Variants in STRN3 observed in about 807,000 individuals in gnomAD.
STRN3 encodes striatin-3.
Under a neutral mutation model 95.6 loss-of-function variants are expected in STRN3, and 29 were observed. The observed-to-expected ratio is 0.30, with a 90% confidence interval of 0.23 to 0.41. The LOEUF (loss-of-function observed/expected upper bound fraction) is 0.41. STRN3 is among the 10% of genes least tolerant of loss of function. The probability of loss-of-function intolerance (pLI) is 1.00; values close to 1 mark genes in which losing one functional copy is unlikely to be tolerated. For missense variants in STRN3, 890 were observed against 972.1 expected (o/e 0.92, Z 1.12); for synonymous variants, 331 against 357.6 (o/e 0.93, Z 0.84).
chr14:30,919,073 G>A lies in STRN3; in HGVS notation c.1133C>T (p.Ala378Val), dbSNP rs1437599581. 3.1e-6 allele frequency: 5 copies of A among 1,610,454 alleles called. No individual in the cohort carries two copies. The highest frequency in any genetic ancestry group is 4.2e-6 in the Non-Finnish European group (5 of 1,177,918). ...ANRTKLYDMIADLGDDELPHI... is the reference protein window; with the variant it reads ...ANRTKLYDMIVDLGDDELPHI... ...GGGCAGCTCATCATCTCCCAGATCA[G>A]CTATCATGTCGTAGAGTTTTGTCCT... Residue 378 changes from alanine (A) to valine (V), a missense_variant, in exon 9 of 18, where the codon GCT becomes GTT. Around this residue, in one of 3 missense-constraint regions of STRN3, gnomAD observed 526 missense variants for 526.3 expected, o/e 1.00. Coordinates refer to ENST00000357479, the MANE Select transcript of STRN3 (RefSeq NM_001083893.2).
chr14:30,960,718 A>C (rs1467808214), intron 1 of STRN3, among the ~76,000 whole-genome samples: 1 of 151,944 alleles, frequency 6.6e-6, no homozygotes, highest in Non-Finnish European at 1.5e-5. Context: ...AAATACAAAA[A>C]ATTAGCCGGG....
At chr14:30,912,247 G>T in intron 10 of STRN3, 65 bp from the exon 11 acceptor site, 16 of 1,492,516 alleles carry the variant, frequency 1.1e-5, no homozygotes, top group Non-Finnish European at 1.4e-5. Context: ...TGGAGTGTTT[G>T]TTCGTTTCTT....
Position 31,019,825 on chromosome 14 carries a change from A to G in STRN3, c.282+6079T>C, listed in dbSNP as rs1230484909. On this transcript the variant is annotated intron_variant, in intron 1 of 17. Coordinates refer to ENST00000357479, the MANE Select transcript of STRN3 (RefSeq NM_001083893.2). Reference sequence around the variant, plus strand: ...TCAGTGAATTAGAATATACTTTAGGATACTGATGTTACCTATATTACTTAG... The same window carrying G: ...TCAGTGAATTAGAATATACTTTAGGGTACTGATGTTACCTATATTACTTAG... Among the ~76,000 whole-genome samples the G allele has an allele frequency of 2.0e-5, 3 of 152,174 alleles. No homozygotes were observed. The East Asian group carries it at 5.8e-4, about 29-fold the overall frequency.
intron 1 of STRN3, among the ~76,000 whole-genome samples, chr14:30,990,448 C>T (rs1316518524): frequency 1.3e-5 from 2 of 151,684 alleles, no homozygotes; most frequent in African/African-American, 4.8e-5. Context: ...GATTACAGGC[C>T]TGAGCCACCG....
Position 30,929,206 on chromosome 14 carries a change from A to AC in STRN3, c.1093dup (p.Val365GlyfsTer15). The AC allele has an allele frequency of 6.2e-7, 1 of 1,606,904 alleles. No individual in the cohort carries two copies. The highest frequency in any genetic ancestry group is 8.5e-7 in the Non-Finnish European group (1 of 1,177,072). On this transcript the variant is annotated frameshift_variant, in exon 8 of 18. Coordinates refer to ENST00000357479, the MANE Select transcript of STRN3 (RefSeq NM_001083893.2). LOFTEE classifies it high-confidence loss of function. ...TAGTCAGAATCTGCACTTACTCTTC[A>AC]CCCCTTTCTTCCCCTTTCGTTCCTT...
intron 1 of STRN3, among the ~76,000 whole-genome samples, chr14:30,982,656 C>T (rs569509479): frequency 1.3e-5 from 2 of 152,332 alleles, no homozygotes; most frequent in African/African-American, 4.8e-5. Context: ...ATTTCACATT[C>T]ACGTGGTATT....
intron 4 of STRN3, 85 bp downstream of exon 4, chr14:30,950,778 A>G: frequency 1.6e-6 from 2 of 1,250,846 alleles, no homozygotes; most frequent in South Asian, 2.6e-5. Flanking sequence ...TTGTCCCAAT[A>G]TGATTTTTTA....
intron 1 of STRN3, among the ~76,000 whole-genome samples, chr14:30,960,665 C>T (rs1048283208): frequency 1.3e-5 from 2 of 151,672 alleles, no homozygotes; most frequent in East Asian, 1.9e-4. Flanking sequence ...GTCAGGAGAT[C>T]GAGACCATCC....
At chr14:31,010,328 C>T (rs1882912514) in intron 1 of STRN3, among the ~76,000 whole-genome samples, 1 of 150,652 alleles carries the variant, frequency 6.6e-6, no homozygotes, top group Admixed American at 6.6e-5. Context: ...GTGCTGCACC[C>T]ATTAACTCGT....
At chr14:30,956,853 GA>G (rs1879931528) in intron 1 of STRN3, among the ~76,000 whole-genome samples, 1 of 152,142 alleles carries the variant, frequency 6.6e-6, no homozygotes, top group Admixed American at 6.5e-5. Context: ...AGCTTTTCTT[GA>G]AATACTAGAA....
At chr14:30,908,722 T>C (rs1896531818) in intron 13 of STRN3, among the ~76,000 whole-genome samples, 1 of 152,204 alleles carries the variant, frequency 6.6e-6, no homozygotes, top group Non-Finnish European at 1.5e-5. Flanking sequence ...ACCTCCTCAG[T>C]TTCCTTTCTT....
At chr14:31,007,303 C>G (rs765780747) in intron 1 of STRN3, among the ~76,000 whole-genome samples, 2 of 152,202 alleles carry the variant, frequency 1.3e-5, no homozygotes, top group African/African-American at 4.8e-5. Flanking sequence ...TCTCCTCCCC[C>G]TCCAAGCACA....
chr14:31,026,111 C>T lies in STRN3; in HGVS notation c.75G>A (p.Gly25=), dbSNP rs1303006606. Residue 25 remains glycine, a synonymous_variant, in exon 1 of 18, where the codon GGG becomes GGA. Coordinates refer to ENST00000357479, the MANE Select transcript of STRN3 (RefSeq NM_001083893.2). ...CCCCGGGCGAAAGGCCCAGGTTCCC[C>T]CCAGGTCCCTGCTGCTGCCGGGGAG... ...AAPPRQQQGP[G]GNLGLSPGGN... is the part of the protein sequence containing the mutation. 2.6e-6 allele frequency: 4 copies of T among 1,515,824 alleles called. No homozygotes were observed. The highest frequency in any genetic ancestry group is 3.5e-6 in the Non-Finnish European group (4 of 1,135,752). The allele number at this position is 1,515,824 out of a possible 1,614,324, so 93.9% of individuals were successfully genotyped here.
intron 8 of STRN3, among the ~76,000 whole-genome samples, chr14:30,925,117 G>GA (rs1896990650): frequency 6.6e-6 from 1 of 151,874 alleles, no homozygotes; most frequent in Non-Finnish European, 1.5e-5. Context: ...ATAAGATAAA[G>GA]TGCATCTCAA....
chr14:30,991,288 T>G (rs1212351995), intron 1 of STRN3, among the ~76,000 whole-genome samples: 1 of 152,214 alleles, frequency 6.6e-6, no homozygotes, highest in African/African-American at 2.4e-5. Context: ...ACAGAGTTCC[T>G]TCAACCTATG....
chr14:30,908,392 T>TAAATACA (rs1195154837), intron 13 of STRN3, among the ~76,000 whole-genome samples: 1 of 152,198 alleles, frequency 6.6e-6, no homozygotes, highest in Non-Finnish European at 1.5e-5. Flanking sequence ...CTATCAAATT[T>TAAATACA]AATACTTTTC....
chr14:30,917,647 A>T (rs1896775081), intron 9 of STRN3, among the ~76,000 whole-genome samples: 1 of 151,986 alleles, frequency 6.6e-6, no homozygotes, highest in Non-Finnish European at 1.5e-5. Context: ...AGATCTGAAA[A>T]AATTAACAGA....
At position 30,905,490 on chromosome 14, in the gene STRN3, T is replaced by G. The variant is rs1896437068; in HGVS notation, c.1957A>C (p.Thr653Pro). ...AAATCATAAATTACTGCACTACCAGTGTTGAAAGAGGTTACCATATGAGCT... is the reference window on the plus strand; with the variant it reads ...AAATCATAAATTACTGCACTACCAGGGTTGAAAGAGGTTACCATATGAGCT... ...DPAHMVTSFN[T>P]GSAVIYDLET... is the part of the protein sequence containing the mutation. Residue 653 changes from threonine (T) to proline (P), a missense_variant, in exon 15 of 18, where the codon ACT (threonine) becomes CCT (proline). Thr to Pro is a conservative substitution (Grantham distance 38). Around this residue, in one of 3 missense-constraint regions of STRN3, gnomAD observed 357 missense variants for 422.8 expected, o/e 0.84. Coordinates refer to ENST00000357479, the MANE Select transcript of STRN3 (RefSeq NM_001083893.2). 1 of 1,610,384 alleles carries G rather than the reference T, an allele frequency of 6.2e-7. No individual in the cohort carries two copies. Among genetic ancestry groups the G allele is most frequent in the Non-Finnish European group, 8.5e-7 (1 of 1,178,594 alleles).
chr14:31,002,165 T>A (rs1352174225), intron 1 of STRN3, among the ~76,000 whole-genome samples: 3 of 12,876 alleles, frequency 2.3e-4, no homozygotes, highest in East Asian at 3.0e-3. Context: ...AAATTCCATC[T>A]CAAAAAAAAA....
Sources: gnomAD v4.1 joint callset for allele counts (sites outside exome capture counted in the v4.1 genomes callset) on GRCh38, gnomAD v4.1.1 for gene constraint, gnomAD v4.1.1 regional missense constraint, MANE v1.5 for transcripts, NCBI Gene and HGNC (gene_info 2026-07-23, HGNC 2026-07-21) for gene names.